The following MDH1B variants were observed in gnomAD, a reference collection of about 807,000 sequenced individuals.
MDH1B encodes the protein putative malate dehydrogenase 1B.
A neutral mutation model predicts 61.4 loss-of-function variants in MDH1B; 60 were observed. That is an observed-to-expected ratio of 0.98 (90% CI 0.79 to 1.21). MDH1B has a LOEUF of 1.21. Ranked by LOEUF, MDH1B falls within the 50% of genes most tolerant of loss-of-function variation. The probability of loss-of-function intolerance (pLI) is 0.00; values close to 1 mark genes in which losing one functional copy is unlikely to be tolerated. For missense variants in MDH1B, 587 were observed against 632.1 expected (o/e 0.93, Z 0.76); for synonymous variants, 236 against 218.7 (o/e 1.08, Z -0.70).
At chr2:206,748,124 T>C (rs1321626185) in intron 7 of MDH1B, among the ~76,000 whole-genome samples, 1 of 152,228 alleles carries the variant, frequency 6.6e-6, no homozygotes, top group African/African-American at 2.4e-5. Context: ...CTCAGGCCTG[T>C]AACCCCAGCA....
At chr2:206,760,154 T>G (rs1364009465) in intron 2 of MDH1B, among the ~76,000 whole-genome samples, 3 of 152,060 alleles carry the variant, frequency 2.0e-5, no homozygotes, top group Non-Finnish European at 4.4e-5. Context: ...CACTCCAGGT[T>G]CCCCCTTCAC....
chr2:206,742,488 G>T (rs1559331467), intron 9 of MDH1B, among the ~76,000 whole-genome samples: 1 of 152,100 alleles, frequency 6.6e-6, no homozygotes, highest in Non-Finnish European at 1.5e-5. Context: ...TTCCACCTTT[G>T]TCTGAGGAGA....
Position 206,760,925 on chromosome 2 carries a change from G to A in MDH1B, c.111C>T (p.Ile37=). The A allele has an allele frequency of 6.2e-7, 1 of 1,610,714 alleles. No homozygotes were observed. Among genetic ancestry groups the A allele is most frequent in the Non-Finnish European group, 8.5e-7 (1 of 1,177,230 alleles). ...CCTCCCAAACCTCAGGACGTTGTGTGATTTTATGTATCCGAAAATCAGGAA... is the reference window on the plus strand; with the variant it reads ...CCTCCCAAACCTCAGGACGTTGTGTAATTTTATGTATCCGAAAATCAGGAA... The part of the protein sequence containing the change: ...KNLPDFRIHK[I]TQRPEVWEDW... The change falls in exon 2 of 12, where the codon ATC becomes ATT. Residue 37 remains isoleucine, a synonymous_variant. Transcript: ENST00000374412.
Position 206,738,404 on chromosome 2 carries a change from T to A in MDH1B, c.*79A>T. On this transcript the variant is annotated 3_prime_UTR_variant, in exon 12 of 12. Transcript: ENST00000374412. The stretch of plus-strand genomic sequence containing the variant: ...ATAAATCTTTCAAATTATTCTTCCT[T>A]AAATATAGACATTCATATAAATTCT... 3.6e-6 allele frequency: 4 copies of A among 1,098,164 alleles called. No individual in the cohort carries two copies. The highest frequency in any genetic ancestry group is 5.2e-6 in the Non-Finnish European group (4 of 762,170). 68.0% of individuals were successfully genotyped at this position (1,098,164 alleles called of 1,614,324 possible).
chr2:206,738,641 G>A, intron 11 of MDH1B, 130 bp from the exon 12 acceptor site: 1 of 570,618 alleles, frequency 1.8e-6, no homozygotes, highest in Admixed American at 3.1e-5. Context: ...GCATGTGTGA[G>A]AGTGATTCTA....
At chr2:206,745,005 T>C (rs1338607496) in intron 9 of MDH1B, among the ~76,000 whole-genome samples, 1 of 151,896 alleles carries the variant, frequency 6.6e-6, no homozygotes, top group Admixed American at 6.6e-5. Context: ...TGTGATCTTA[T>C]GGGAAATGGA....
intron 5 of MDH1B, 45 bp downstream of exon 5, chr2:206,754,964 G>A: frequency 6.3e-7 from 1 of 1,575,108 alleles, no homozygotes; most frequent in Non-Finnish European, 8.6e-7. Context: ...TTGAAATCAT[G>A]TTGTTTCAAA....
chr2:206,746,224 C>A (rs114770926), intron 8 of MDH1B, 63 bp downstream of exon 8: 25,023 of 1,446,176 alleles, frequency 0.017, 244 homozygotes, highest in Non-Finnish European at 0.019. Context: ...TATGCCTTGG[C>A]CTAGGAGAAT....
At chr2:206,753,426 G>A (rs1688566544) in intron 5 of MDH1B, among the ~76,000 whole-genome samples, 1 of 152,126 alleles carries the variant, frequency 6.6e-6, no homozygotes, top group African/African-American at 2.4e-5. Context: ...GGAATTACAG[G>A]TGTGAGCCAT....
chr2:206,763,917 T>C (rs1689261573), intron 1 of MDH1B, among the ~76,000 whole-genome samples: 1 of 151,962 alleles, frequency 6.6e-6, no homozygotes, highest in African/African-American at 2.4e-5. Flanking sequence ...ATCGTTCCTA[T>C]AGAACCCTGC....
At chr2:206,739,088 G>A (rs1258996512) in intron 11 of MDH1B, among the ~76,000 whole-genome samples, 1 of 152,140 alleles carries the variant, frequency 6.6e-6, no homozygotes, top group African/African-American at 2.4e-5. Flanking sequence ...CTTGAGGGAA[G>A]GATTTAATGA....
intron 5 of MDH1B, among the ~76,000 whole-genome samples, chr2:206,751,564 T>C (rs1295881087): frequency 2.6e-5 from 4 of 152,210 alleles, no homozygotes; most frequent in African/African-American, 9.6e-5. Context: ...AAAATGAGGA[T>C]ATTGTAAGAG....
At position 206,745,675 on chromosome 2, in the gene MDH1B, T is replaced by C; in HGVS notation, c.1357-2A>G. 6.2e-7 allele frequency: 1 copy of C among 1,605,320 alleles called. No individual in the cohort carries two copies. Among genetic ancestry groups the C allele is most frequent in the South Asian group, 1.1e-5 (1 of 89,998 alleles). On this transcript the variant is annotated splice_acceptor_variant, in intron 8 of 11. Coordinates refer to ENST00000374412, the MANE Select transcript of MDH1B (RefSeq NM_001039845.3). LOFTEE classifies it high-confidence loss of function. ...GTCTCCAAGTGCAACAAGTTTCTCC[T>C]GTTGAAATTTTATAATCACAGAATT...
chr2:206,750,806 G>C (rs1373448825), intron 6 of MDH1B, 128 bp downstream of exon 6: 2 of 739,396 alleles, frequency 2.7e-6, no homozygotes, highest in Non-Finnish European at 3.9e-6. Flanking sequence ...TAGACAGCAT[G>C]AACAAATATG....
At position 206,738,425 on chromosome 2, in the gene MDH1B, A is replaced by G. The variant is rs1687607838; in HGVS notation, c.*58T>C. On this transcript the variant is annotated 3_prime_UTR_variant, in exon 12 of 12. Coordinates refer to ENST00000374412, the MANE Select transcript of MDH1B (RefSeq NM_001039845.3). ...TCCTTAAATATAGACATTCATATAA[A>G]TTCTTTCTATGTTTATTGTGCTATC... 2 of 1,286,474 alleles carry G rather than the reference A, an allele frequency of 1.6e-6. No homozygotes were observed. Among genetic ancestry groups the G allele is most frequent in the South Asian group, 1.4e-5 (1 of 72,856 alleles). The allele number at this position is 1,286,474 out of a possible 1,614,324, so 79.7% of individuals were successfully genotyped here. A position where few individuals can be genotyped will look rare whatever the true frequency, so the allele number is the denominator to read the frequency against.
chr2:206,760,868 G>A (rs1389710592), intron 2 of MDH1B, 33 bp downstream of exon 2: 2 of 1,206,096 alleles, frequency 1.7e-6, no homozygotes, highest in African/African-American at 3.0e-5. Flanking sequence ...TTTTGTGCAT[G>A]AGTGAGTTCA....
intron 9 of MDH1B, 42 bp from the exon 10 acceptor site, chr2:206,741,146 A>G (rs1214658508): frequency 6.2e-7 from 1 of 1,610,276 alleles, no homozygotes; most frequent in East Asian, 2.2e-5. Flanking sequence ...TTTAGAATAT[A>G]ACCAACAACC....
At chr2:206,749,595 C>A (rs184867983) in intron 6 of MDH1B, among the ~76,000 whole-genome samples, 149 of 152,126 alleles carry the variant, frequency 9.8e-4, no homozygotes, top group Admixed American at 3.1e-3. Context: ...ATGCTTAGGA[C>A]CAGAGTGTTC....
At chr2:206,754,643 G>A (rs569810713) in intron 5 of MDH1B, among the ~76,000 whole-genome samples, 9 of 152,170 alleles carry the variant, frequency 5.9e-5, no homozygotes, top group East Asian at 5.8e-4. Context: ...AAGATCATAC[G>A]GGTGGGAAGT....
Sources: gnomAD v4.1 joint callset for allele counts (sites outside exome capture counted in the v4.1 genomes callset) on GRCh38, gnomAD v4.1.1 for gene constraint, MANE v1.5 for transcripts, NCBI Gene and HGNC (gene_info 2026-07-23, HGNC 2026-07-21) for gene names.